Variants in NRXN1 observed in about 807,000 individuals in gnomAD.
The protein encoded by NRXN1 is neurexin 1.
NRXN1 carries 39 observed loss-of-function variants against 150.9 expected under a neutral mutation model. That is an observed-to-expected ratio of 0.26 (90% CI 0.20 to 0.34). NRXN1 has a LOEUF of 0.34. NRXN1 is among the 10% of genes least tolerant of loss of function. The pLI is 1.00. For synonymous variants in NRXN1, 924 were observed against 757.0 expected, an observed-to-expected ratio of 1.22 and a Z score of -3.62; for missense variants, 1,815 against 1,949.9, an observed-to-expected ratio of 0.93 and a Z score of 1.30.
At chr2:50,803,669 T>C (rs1027276837) in intron 5 of NRXN1, among the ~76,000 whole-genome samples, 5 of 152,204 alleles carry the variant, frequency 3.3e-5, no homozygotes, top group African/African-American at 1.2e-4. Context: ...GTAAGCTTAA[T>C]AAACCATGCT....
intron 20 of NRXN1, 79 bp from the exon 21 acceptor site, chr2:50,053,669 T>G (rs543929856): frequency 7.1e-7 from 1 of 1,414,002 alleles, no homozygotes; most frequent in East Asian, 2.3e-5. Flanking sequence ...AACAGATCTT[T>G]TATGGGGTGA....
intron 18 of NRXN1, among the ~76,000 whole-genome samples, chr2:50,111,514 C>A (rs1702374500): frequency 6.6e-6 from 1 of 151,946 alleles, no homozygotes; most frequent in African/African-American, 2.4e-5. Flanking sequence ...TGGTATGCAC[C>A]TGTAATTCCA....
intron 17 of NRXN1, among the ~76,000 whole-genome samples, chr2:50,412,807 CA>C (rs1234849693): frequency 1.3e-5 from 2 of 152,080 alleles, no homozygotes; most frequent in African/African-American, 4.8e-5. Context: ...TTATTTTCAA[CA>C]AAGGCACCAA....
At chr2:50,640,065 G>A (rs1252887860) in intron 5 of NRXN1, among the ~76,000 whole-genome samples, 1 of 152,158 alleles carries the variant, frequency 6.6e-6, no homozygotes, top group Non-Finnish European at 1.5e-5. Flanking sequence ...CTAAGGTGAT[G>A]TGAGAAAATG....
chr2:50,197,095 T>C (rs889117510), intron 18 of NRXN1, among the ~76,000 whole-genome samples: 39 of 152,300 alleles, frequency 2.6e-4, no homozygotes, highest in African/African-American at 8.9e-4. Flanking sequence ...TGGGATAATA[T>C]GGACAGAGTC....
intron 17 of NRXN1, among the ~76,000 whole-genome samples, chr2:50,261,556 C>G (rs910709780): frequency 1.3e-5 from 2 of 151,808 alleles, no homozygotes; most frequent in Admixed American, 6.6e-5. Flanking sequence ...CATAAATATA[C>G]TTATGGAACT....
chr2:50,583,661 C>T (rs1011221741), intron 8 of NRXN1, among the ~76,000 whole-genome samples: 1 of 152,058 alleles, frequency 6.6e-6, no homozygotes, highest in Non-Finnish European at 1.5e-5. Flanking sequence ...CTTCTGTACC[C>T]GAAGTGGTAC....
chr2:50,655,535 T>G (rs1163202980), intron 5 of NRXN1, among the ~76,000 whole-genome samples: 1 of 152,010 alleles, frequency 6.6e-6, no homozygotes, highest in Non-Finnish European at 1.5e-5. Context: ...GAACCGAAAG[T>G]TTTTGTTAAT....
At chr2:50,414,229 A>C (rs532724140) in intron 17 of NRXN1, among the ~76,000 whole-genome samples, 1 of 152,102 alleles carries the variant, frequency 6.6e-6, no homozygotes, top group Non-Finnish European at 1.5e-5. Context: ...TCAAAGGATA[A>C]ATGCTAGGGG....
intron 2 of NRXN1, among the ~76,000 whole-genome samples, chr2:50,955,189 T>C (rs1692085426): frequency 6.6e-6 from 1 of 152,116 alleles, no homozygotes; most frequent in African/African-American, 2.4e-5. Flanking sequence ...CAATAAAACA[T>C]ATAAAGTGGA....
intron 5 of NRXN1, among the ~76,000 whole-genome samples, chr2:50,808,142 A>C (rs1392040426): frequency 6.6e-6 from 1 of 152,090 alleles, no homozygotes; most frequent in Non-Finnish European, 1.5e-5. Flanking sequence ...TCTCCATGTC[A>C]GTTAGTGAAA....
Position 50,786,803 on chromosome 2 carries a change from C to T in NRXN1, c.832+135066G>A, listed in dbSNP as rs573794471. On this transcript the variant is annotated intron_variant, in intron 5 of 22. Coordinates refer to ENST00000401669, the MANE Select transcript of NRXN1 (RefSeq NM_001330078.2). ...CTGATTAATGCCCGCATAAGAATTA[C>T]AAATGGTAAACCAACCTTCCCTCAA... Among the ~76,000 whole-genome samples the T allele has an allele frequency of 1.3e-3, 204 of 152,222 alleles. 1 individual carries two copies. Among genetic ancestry groups the T allele is most frequent in the African/African-American group, 4.8e-3 (199 of 41,552 alleles).
chr2:50,436,426 C>T (rs1324406663), intron 17 of NRXN1, among the ~76,000 whole-genome samples: 1 of 151,286 alleles, frequency 6.6e-6, no homozygotes, highest in African/African-American at 2.4e-5. Flanking sequence ...GCACTCCAGC[C>T]TGGGCAACAA....
Position 50,069,112 on chromosome 2 carries a change from CA to C in NRXN1, c.3719-14069del, listed in dbSNP as rs567813363. ...GTGTTCTGTGACAGCAGCATGGTGA[CA>C]AAAGCTGTTCCCAGAATAAGAATAC... On this transcript the variant is annotated intron_variant, in intron 19 of 22. Transcript: ENST00000401669. Among the ~76,000 whole-genome samples, 212 of 152,310 alleles carry C rather than the reference CA, an allele frequency of 1.4e-3. 1 individual carries two copies. Among genetic ancestry groups the C allele is most frequent in the Admixed American group, 3.7e-3 (57 of 15,308 alleles).
chr2:50,340,796 T>C (rs918352358), intron 17 of NRXN1, among the ~76,000 whole-genome samples: 3 of 152,216 alleles, frequency 2.0e-5, no homozygotes, highest in East Asian at 3.9e-4. Flanking sequence ...CTCATTATTA[T>C]TGAGATTGTT....
chr2:50,460,179 AT>A (rs371661829), intron 17 of NRXN1, among the ~76,000 whole-genome samples: 4 of 152,050 alleles, frequency 2.6e-5, no homozygotes, highest in African/African-American at 9.7e-5. Context: ...CCACCTCCAT[AT>A]TTACCTATAA....
intron 17 of NRXN1, among the ~76,000 whole-genome samples, chr2:50,252,084 T>C (rs1472907709): frequency 2.6e-5 from 4 of 152,008 alleles, no homozygotes; most frequent in African/African-American, 7.2e-5. Context: ...TTTCTTTTTA[T>C]GTTTTTGTCA....
At chr2:50,377,935 G>C (rs1520448) in intron 17 of NRXN1, among the ~76,000 whole-genome samples, 36,466 of 152,034 alleles carry the variant, frequency 0.24, 4,670 homozygotes, top group East Asian at 0.43. Context: ...AAAGGGAAGA[G>C]CCAGCAGTAA....
intron 18 of NRXN1, among the ~76,000 whole-genome samples, chr2:50,234,429 G>A (rs766420589): frequency 2.0e-5 from 3 of 152,160 alleles, no homozygotes; most frequent in South Asian, 4.2e-4. Flanking sequence ...AGGAGGCAAA[G>A]GTTGCAGTGA....
Sources: gnomAD v4.1 joint callset for allele counts (sites outside exome capture counted in the v4.1 genomes callset) on GRCh38, gnomAD v4.1.1 for gene constraint, MANE v1.5 for transcripts, NCBI Gene and HGNC (gene_info 2026-07-23, HGNC 2026-07-21) for gene names.